The following PTPRN2 variants were observed in gnomAD, a reference collection of about 807,000 sequenced individuals.
PTPRN2 encodes the protein receptor-type tyrosine-protein phosphatase N2.
PTPRN2 carries 74 observed loss-of-function variants against 118.8 expected under a neutral mutation model. The observed-to-expected ratio is 0.62, with a 90% CI of 0.52 to 0.76. PTPRN2 has a LOEUF of 0.76. Among genes scored for constraint, PTPRN2 ranks in the 30% least tolerant of loss-of-function variants. The probability of loss-of-function intolerance (pLI) is 0.00; values close to 1 mark genes in which losing one functional copy is unlikely to be tolerated. For synonymous variants in PTPRN2, 641 were observed against 608.0 expected (o/e 1.05, Z -0.80); for missense variants, 1,481 against 1,394.4 (o/e 1.06, Z -0.99).
rs112220546 is a variant in PTPRN2, at chr7:158,095,355, T to C, written c.1644-13978A>G. ...TTTCTATATAAATCTAACTTGTTCA[T>C]GTGTTTACATATTTCTTGGCTTAGA... On this transcript the variant is annotated intron_variant, in intron 10 of 22. Transcript: ENST00000389418. Among the ~76,000 whole-genome samples the C allele has an allele frequency of 3.7e-3, 558 of 152,032 alleles. 5 individuals carry two copies. The highest frequency in any genetic ancestry group is 0.013 in the African/African-American group (521 of 41,436).
rs1817143087 is a variant in PTPRN2 at position 158,441,307 on chromosome 7, TGGTGATGGCAATGAA to T, written c.163+48413_163+48427del. 1.8e-5 allele frequency among the ~76,000 whole-genome samples: 2 copies of T among 110,202 alleles called. 1 individual carries two copies. Among genetic ancestry groups the T allele is most frequent in the African/African-American group, 6.1e-5 (2 of 32,948 alleles). The allele number at this position is 110,202 out of a possible 152,430, so 72.3% of individuals were successfully genotyped here. ...GTGGTGGTGGTGATGGTGATAGTAATGGTGATGGCAATGAAGGTGATGGTGATGGTGATCAGTGAT... is the reference window on the plus strand; with the variant it reads ...GTGGTGGTGGTGATGGTGATAGTAATGGTGATGGTGATGGTGATCAGTGAT... On this transcript the variant is annotated intron_variant, in intron 2 of 22. Transcript: ENST00000389418.
At position 157,644,495 on chromosome 7, in the gene PTPRN2, C is replaced by T. The variant is rs1214753312; in HGVS notation, c.2196+11862G>A. Among the ~76,000 whole-genome samples the T allele has an allele frequency of 2.6e-5, 4 of 152,192 alleles. No homozygotes were observed. The East Asian group carries it at 7.7e-4, about 29-fold the overall frequency. ...TCTCCCAGGAGCCCCATTCTTGCTT[C>T]ATCAATTAAAGCAGCACTCTGGCTG... is the stretch of plus-strand genomic sequence containing the variant. On this transcript the variant is annotated intron_variant, in intron 14 of 22. Transcript: ENST00000389418.
chr7:158,463,660 T>C (rs1208461753), intron 2 of PTPRN2, among the ~76,000 whole-genome samples: 1 of 151,988 alleles, frequency 6.6e-6, no homozygotes, highest in East Asian at 1.9e-4. Flanking sequence ...ATCATCGTCA[T>C]CACCATATCA....
In PTPRN2 at chr7:158,136,640, G is replaced by A. The variant is rs954954098; in HGVS notation, c.1173+15C>T. 1 of 1,610,496 alleles carries A rather than the reference G, an allele frequency of 6.2e-7. No individual in the cohort carries two copies. Among genetic ancestry groups the A allele is most frequent in the Non-Finnish European group, 8.5e-7 (1 of 1,176,882 alleles). On this transcript the variant is annotated intron_variant, in intron 8 of 22. Transcript: ENST00000389418. Reference sequence around the variant, plus strand: ...CACATTTAACATGAAACAAACACCAGAGACGTCATCTTACCTCTTGGTAAA... The same window carrying A: ...CACATTTAACATGAAACAAACACCAAAGACGTCATCTTACCTCTTGGTAAA...
intron 2 of PTPRN2, among the ~76,000 whole-genome samples, chr7:158,446,847 G>A (rs553828841): frequency 6.6e-6 from 1 of 152,292 alleles, no homozygotes; most frequent in African/African-American, 2.4e-5. Context: ...CATGACATCC[G>A]GAACCCACCT....
At position 158,340,194 on chromosome 7, in the gene PTPRN2, C is replaced by A. The variant is rs1266804691; in HGVS notation, c.164-23262G>T. Among the ~76,000 whole-genome samples, 510 of 89,638 alleles carry A rather than the reference C, an allele frequency of 5.7e-3. 1 individual carries two copies. Among genetic ancestry groups the A allele is most frequent in the African/African-American group, 0.019 (482 of 24,780 alleles). 58.8% of individuals were successfully genotyped at this position (89,638 alleles called of 152,430 possible). A position where few individuals can be genotyped will look rare whatever the true frequency, so the allele number is the denominator to read the frequency against. On this transcript the variant is annotated intron_variant, in intron 2 of 22. Transcript: ENST00000389418. ...GACACTCGCAGACGTCACTCACACCCACACTCTCACCATAAGAGCTGATGC... is the reference window on the plus strand; with the variant it reads ...GACACTCGCAGACGTCACTCACACCAACACTCTCACCATAAGAGCTGATGC...
chr7:158,511,260 C>T (rs866507031), intron 1 of PTPRN2, among the ~76,000 whole-genome samples: 7 of 152,158 alleles, frequency 4.6e-5, no homozygotes, highest in Non-Finnish European at 7.3e-5. Context: ...AGGATGGCTA[C>T]GCAATGCTAT....
In PTPRN2 at chr7:157,985,741, G is replaced by A. The variant is rs182882157; in HGVS notation, c.1724-87004C>T. ...TTCTACTCACTGCACAGCCAGCGCT[G>A]CTCTTGAACAAACTCCTGAGGGAGG... On this transcript the variant is annotated intron_variant, in intron 11 of 22. Coordinates refer to ENST00000389418, the MANE Select transcript of PTPRN2 (RefSeq NM_002847.5). Among the ~76,000 whole-genome samples the A allele has an allele frequency of 5.7e-3, 875 of 152,308 alleles. 5 individuals are homozygous for A. The highest frequency in any genetic ancestry group is 7.6e-3 in the Non-Finnish European group (520 of 68,020).
At chr7:157,889,759 G>A (rs1376517252) in intron 12 of PTPRN2, among the ~76,000 whole-genome samples, 1 of 152,212 alleles carries the variant, frequency 6.6e-6, no homozygotes, top group Non-Finnish European at 1.5e-5. Context: ...GCCTGTTTCT[G>A]GCTTCTGGCC....
intron 3 of PTPRN2, among the ~76,000 whole-genome samples, chr7:158,251,277 G>C (rs774763482): frequency 6.6e-6 from 1 of 152,218 alleles, no homozygotes; most frequent in African/African-American, 2.4e-5. Flanking sequence ...TTGGTGAGCC[G>C]AGGAGAACCT....
At chr7:158,297,547 C>T (rs1008767212) in intron 3 of PTPRN2, among the ~76,000 whole-genome samples, 1 of 152,178 alleles carries the variant, frequency 6.6e-6, no homozygotes, top group South Asian at 2.1e-4. Context: ...CACGTACAGC[C>T]CTCATTTCTC....
chr7:158,486,715 C>T (rs1019747208), intron 2 of PTPRN2, among the ~76,000 whole-genome samples: 1 of 152,190 alleles, frequency 6.6e-6, no homozygotes, highest in African/African-American at 2.4e-5. Flanking sequence ...CATTCGATTA[C>T]GTTAAATGAG....
rs930787930 is a variant in PTPRN2 at position 157,784,688 on chromosome 7, T to G, written c.1789-101751A>C. 1.3e-5 allele frequency among the ~76,000 whole-genome samples: 2 copies of G among 149,124 alleles called. No homozygotes were observed. The highest frequency in any genetic ancestry group is 4.9e-5 in the African/African-American group (2 of 40,416). The stretch of plus-strand genomic sequence containing the variant: ...GGGCAGGGGCTGGGCTGATCCCGTA[T>G]GAAACGGGCAGGGGCTGAGCTGATC... On this transcript the variant is annotated intron_variant, in intron 12 of 22. Transcript: ENST00000389418. This position sits in a 1 kb window ranked among gnomAD's most constrained non-coding sequence, Gnocchi z 4.6.
chr7:157,708,908 G>A (rs890975996), intron 12 of PTPRN2, among the ~76,000 whole-genome samples: 5 of 152,288 alleles, frequency 3.3e-5, no homozygotes, highest in East Asian at 3.9e-4. Context: ...AGAGCTGAAC[G>A]TGCTCTCCCA....
At chr7:157,772,332 TAC>T (rs1422585307) in intron 12 of PTPRN2, among the ~76,000 whole-genome samples, 1 of 83,508 alleles carries the variant, frequency 1.2e-5, no homozygotes, top group Admixed American at 1.2e-4. Flanking sequence ...GACACACACA[TAC>T]ACACAGACAT....
intron 1 of PTPRN2, among the ~76,000 whole-genome samples, chr7:158,523,496 CTG>C: frequency 7.0e-6 from 1 of 142,692 alleles, no homozygotes; most frequent in African/African-American, 2.7e-5. Flanking sequence ...GTGGAGTCGT[CTG>C]CCCTGGAGTG....
At chr7:158,262,422 A>G (rs997819884) in intron 3 of PTPRN2, among the ~76,000 whole-genome samples, 6 of 142,838 alleles carry the variant, frequency 4.2e-5, no homozygotes, top group African/African-American at 1.6e-4. Context: ...ATACATTCAC[A>G]CACATACACA....
rs1274554961 is a variant in PTPRN2, at chr7:157,953,120, G to C, written c.1724-54383C>G. Among the ~76,000 whole-genome samples the C allele has an allele frequency of 6.6e-6, 1 of 152,216 alleles. No homozygotes were observed. The highest frequency in any genetic ancestry group is 1.5e-5 in the Non-Finnish European group (1 of 68,022). ...CCGGACCCACGGGGTGAGCCCTCTG[G>C]CTCGAGAAGTCCTCAGCGACATCTG... On this transcript the variant is annotated intron_variant, in intron 11 of 22. Transcript: ENST00000389418. This position sits in a 1 kb window ranked among gnomAD's most constrained non-coding sequence, Gnocchi z 4.6.
chr7:158,387,882 A>T (rs1350749561), intron 2 of PTPRN2, among the ~76,000 whole-genome samples: 1 of 152,168 alleles, frequency 6.6e-6, no homozygotes, highest in Non-Finnish European at 1.5e-5. Flanking sequence ...TGCCCTGCAG[A>T]TGTCAGACCC....
Sources: allele counts gnomAD v4.1 joint callset (sites outside exome capture counted in the v4.1 genomes callset), GRCh38; gene constraint gnomAD v4.1.1; non-coding constraint Gnocchi (gnomAD v3.1); transcripts MANE v1.5; gene names NCBI Gene and HGNC (gene_info 2026-07-23, HGNC 2026-07-21).